The following EIF3B variants were observed in gnomAD, a reference collection of about 807,000 sequenced individuals.
The protein encoded by EIF3B is eukaryotic translation initiation factor 3 subunit B, also known as eukaryotic translation initiation factor 3 subunit 9.
Under a neutral mutation model 104.6 loss-of-function variants are expected in EIF3B, and 10 were observed. That is an observed-to-expected ratio of 0.10 (90% CI 0.06 to 0.16). The LOEUF is 0.16. Ranked by LOEUF, EIF3B falls within the 10% of genes least tolerant of loss-of-function variation. The probability of loss-of-function intolerance (pLI) is 1.00; values close to 1 mark genes in which losing one functional copy is unlikely to be tolerated. For synonymous variants in EIF3B, 542 were observed against 417.2 expected (o/e 1.30, Z -3.65); for missense variants, 1,014 against 1,087.9 (o/e 0.93, Z 0.96).
chr7:2,372,050 A>T (rs6978000), intron 11 of EIF3B: 128,599 of 538,954 alleles, frequency 0.24, 17,082 homozygotes, highest in African/African-American at 0.47. Context: ...AAAAACAAAT[A>T]AAAAAAATTA....
At chr7:2,359,215 A>C (rs1420737097) in intron 1 of EIF3B, among the ~76,000 whole-genome samples, 1 of 152,188 alleles carries the variant, frequency 6.6e-6, no homozygotes, top group Non-Finnish European at 1.5e-5. Context: ...CTCAGCGTCT[A>C]AACCCTTGTA....
At position 2,354,880 on chromosome 7, in the gene EIF3B, C is replaced by T; in HGVS notation, c.-42C>T. The T allele has an allele frequency of 8.7e-7, 1 of 1,143,076 alleles. No individual in the cohort carries two copies. The highest frequency in any genetic ancestry group is 1.1e-6 in the Non-Finnish European group (1 of 932,662). 70.8% of individuals were successfully genotyped at this position (1,143,076 alleles called of 1,614,324 possible). A position where few individuals can be genotyped will look rare whatever the true frequency, so the allele number is the denominator to read the frequency against. On this transcript the variant is annotated 5_prime_UTR_variant, in exon 1 of 19. Coordinates refer to ENST00000360876, the MANE Select transcript of EIF3B (RefSeq NM_001037283.2). Reference sequence around the variant, plus strand: ...CGGTGCGGCCTGGGAGAGTCGGAAGCGCGGCGGCCGCGGAGCCCTGCGAGT... The same window carrying T: ...CGGTGCGGCCTGGGAGAGTCGGAAGTGCGGCGGCCGCGGAGCCCTGCGAGT...
chr7:2,355,173 C>A lies in EIF3B; in HGVS notation c.252C>A (p.Pro84=). 2 of 1,462,226 alleles carry A rather than the reference C, an allele frequency of 1.4e-6. No individual in the cohort carries two copies. Among genetic ancestry groups the A allele is most frequent in the Non-Finnish European group, 1.8e-6 (2 of 1,116,572 alleles). 90.6% of individuals were successfully genotyped at this position (1,462,226 alleles called of 1,614,324 possible). ...AEAASGPSES[P]SPPAAEELPG... ...CGGCCTCCGGCCCGTCCGAGTCGCC[C>A]TCGCCGCCGGCCGCCGAGGAGCTGC... Residue 84 remains proline, a synonymous_variant, in exon 1 of 19, where the codon CCC becomes CCA. Coordinates refer to ENST00000360876, the MANE Select transcript of EIF3B (RefSeq NM_001037283.2).
rs55979264 is a variant in EIF3B, at chr7:2,378,409, G to T, written c.2155-280G>T. The T allele has an allele frequency of 7.6e-4, 229 of 302,024 alleles. 4 individuals are homozygous for T. Among genetic ancestry groups the T allele is most frequent in the African/African-American group, 7.1e-3 (153 of 21,624 alleles). The allele number at this position is 302,024 out of a possible 1,614,324, so 18.7% of individuals were successfully genotyped here. ...GATGCTGTGTTGTGTGAATGACCCT[G>T]GGTGTCATGGAGGAAGGAGCAGGCG... On this transcript the variant is annotated intron_variant, in intron 15 of 18. Transcript: ENST00000360876.
At chr7:2,363,551 C>G (rs1375650322) in intron 4 of EIF3B, 81 bp from the exon 5 acceptor site, 2 of 1,314,556 alleles carry the variant, frequency 1.5e-6, no homozygotes, top group East Asian at 4.8e-5. Flanking sequence ...CTGAACTTGT[C>G]ATATCTTTAA....
rs60545087 is a variant in EIF3B at position 2,369,468 on chromosome 7, G to A, written c.1404-4G>A. 1,381 of 1,614,048 alleles carry A rather than the reference G, an allele frequency of 8.6e-4. 15 individuals are homozygous for A. In the African/African-American group the frequency reaches 0.015, roughly 17 times the overall value. Reference sequence around the variant, plus strand: ...CTTTAACATTTTATTTTCCTGTTCTGCAGAGACTTTTCTTGGTCTCCTGGT... The same window carrying A: ...CTTTAACATTTTATTTTCCTGTTCTACAGAGACTTTTCTTGGTCTCCTGGT... On this transcript the variant is annotated splice_region_variant and splice_polypyrimidine_tract_variant and intron_variant, in intron 9 of 18. Transcript: ENST00000360876.
chr7:2,369,831 C>T, intron 10 of EIF3B, 149 bp downstream of exon 10: 3 of 675,594 alleles, frequency 4.4e-6, no homozygotes, highest in Non-Finnish European at 2.3e-6. Flanking sequence ...GGCTGTAGTG[C>T]AGGAGTGCGA....
chr7:2,377,392 A>C (rs1780693186), intron 15 of EIF3B, among the ~76,000 whole-genome samples: 1 of 152,230 alleles, frequency 6.6e-6, no homozygotes, highest in Non-Finnish European at 1.5e-5. Flanking sequence ...TTGTGGTAAA[A>C]TAGGCCGTTG....
At position 2,376,542 on chromosome 7, in the gene EIF3B, G is replaced by A. The variant is rs562396655; in HGVS notation, c.2029-408G>A. 2.3e-4 allele frequency: 38 copies of A among 162,396 alleles called. No individual in the cohort carries two copies. In the South Asian group the frequency reaches 6.4e-3, roughly 27 times the overall value. The allele number at this position is 162,396 out of a possible 1,614,324, so 10.1% of individuals were successfully genotyped here. A position where few individuals can be genotyped will look rare whatever the true frequency, so the allele number is the denominator to read the frequency against. On this transcript the variant is annotated intron_variant, in intron 14 of 18. Coordinates refer to ENST00000360876, the MANE Select transcript of EIF3B (RefSeq NM_001037283.2). Reference sequence around the variant, plus strand: ...TAGCTTACATCCAGCACAGGGCTCCGCACAGCTCACACCCGGCCCAGGGCT... The same window carrying A: ...TAGCTTACATCCAGCACAGGGCTCCACACAGCTCACACCCGGCCCAGGGCT...
At chr7:2,364,331 C>T (rs1779892163) in intron 5 of EIF3B, 41 bp from the exon 6 acceptor site, 10 of 1,527,246 alleles carry the variant, frequency 6.5e-6, no homozygotes, top group East Asian at 2.4e-5. Flanking sequence ...TTTGTGTTTG[C>T]CATTTTGTTG....
intron 2 of EIF3B, 77 bp from the exon 3 acceptor site, chr7:2,362,568 G>C: frequency 1.3e-6 from 2 of 1,576,750 alleles, no homozygotes; most frequent in Non-Finnish European, 1.7e-6. Flanking sequence ...CTTGTCCGTG[G>C]AGAGGGGTGG....
intron 9 of EIF3B, among the ~76,000 whole-genome samples, chr7:2,368,234 C>A (rs1780140449): frequency 6.6e-6 from 1 of 152,128 alleles, no homozygotes; most frequent in Admixed American, 6.5e-5. Flanking sequence ...CCTTCACCTC[C>A]CAGGTTCAAA....
intron 8 of EIF3B, 94 bp from the exon 9 acceptor site, chr7:2,366,905 A>T: frequency 7.3e-7 from 1 of 1,370,790 alleles, no homozygotes; most frequent in Non-Finnish European, 1.0e-6. Context: ...GCAAACTCAC[A>T]TCAGACTCTT....
Position 2,374,653 on chromosome 7 carries a change from G to C in EIF3B, c.1889+47G>C, listed in dbSNP as rs774944533. Reference sequence around the variant, plus strand: ...CTGTCCGCCCTGTGAGTAGCGCTCTGCTGTGGCAGAGACCCCTCAGGCGCC... The same window carrying C: ...CTGTCCGCCCTGTGAGTAGCGCTCTCCTGTGGCAGAGACCCCTCAGGCGCC... On this transcript the variant is annotated intron_variant, in intron 13 of 18. Coordinates refer to ENST00000360876, the MANE Select transcript of EIF3B (RefSeq NM_001037283.2). 19 of 1,570,704 alleles carry C rather than the reference G, an allele frequency of 1.2e-5. No individual in the cohort carries two copies. The South Asian group carries it at 2.0e-4, about 17-fold the overall frequency.
intron 5 of EIF3B, 88 bp downstream of exon 5, chr7:2,363,848 A>T (rs1293366977): frequency 4.2e-6 from 6 of 1,444,752 alleles, no homozygotes; most frequent in African/African-American, 1.4e-5. Flanking sequence ...AGAAAACTGG[A>T]AGAGCAGGTG....
At chr7:2,360,076 T>G (rs978743360) in intron 1 of EIF3B, among the ~76,000 whole-genome samples, 3 of 152,086 alleles carry the variant, frequency 2.0e-5, no homozygotes, top group Non-Finnish European at 4.4e-5. Context: ...TTTTTCCCCA[T>G]CCCCTGTGAA....
At chr7:2,354,793 C>T, upstream of EIF3B, 1 of 936,310 alleles carries the variant, frequency 1.1e-6, no homozygotes, top group Non-Finnish European at 1.3e-6. Context: ...CCCCCCGCCC[C>T]GCGGCCTTGG....
chr7:2,354,124 G>A (rs1439193566), upstream of EIF3B: 3 of 152,394 alleles, frequency 2.0e-5, no homozygotes, highest in Admixed American at 6.5e-5. Flanking sequence ...GGCGGCCTCG[G>A]ATGGACTGAA....
chr7:2,357,948 C>G (rs560059232), intron 1 of EIF3B, among the ~76,000 whole-genome samples: 3 of 152,030 alleles, frequency 2.0e-5, no homozygotes, highest in African/African-American at 4.8e-5. Flanking sequence ...TAGAAGTTAC[C>G]CTAGGATTTG....
Sources: allele counts gnomAD v4.1 joint callset (sites outside exome capture counted in the v4.1 genomes callset), GRCh38; gene constraint gnomAD v4.1.1; transcripts MANE v1.5; gene names NCBI Gene and HGNC (gene_info 2026-07-23, HGNC 2026-07-21).